INPP5K: variants seen among roughly 807,000 people sequenced by gnomAD.
INPP5K encodes inositol polyphosphate-5-phosphatase K.
In INPP5K, 35 loss-of-function variants were observed where a neutral mutation model predicts 53.5. The ratio of observed to expected loss-of-function variants is 0.65; its 90% confidence interval spans 0.50 to 0.87. INPP5K has a LOEUF of 0.87. Ranked by LOEUF, INPP5K falls within the 40% of genes least tolerant of loss-of-function variation. INPP5K has a pLI of 0.00. For missense variants in INPP5K, 550 were observed against 586.2 expected, an observed-to-expected ratio of 0.94 and a Z score of 0.64; for synonymous variants, 253 against 232.8, an observed-to-expected ratio of 1.09 and a Z score of -0.79.
intron 10 of INPP5K, 35 bp downstream of exon 10, chr17:1,496,284 G>C: frequency 6.5e-7 from 1 of 1,538,458 alleles, no homozygotes. Context: ...AGGCAGGCCT[G>C]CCTGCTGGTG....
chr17:1,513,774 C>A, intron 2 of INPP5K, 98 bp downstream of exon 2: 1 of 1,026,676 alleles, frequency 9.7e-7, no homozygotes, highest in Non-Finnish European at 1.5e-6. Flanking sequence ...AAGCTCCCAG[C>A]CTTCAGACTC....
chr17:1,501,175 G>C (rs932713205), intron 7 of INPP5K, among the ~76,000 whole-genome samples: 1 of 151,946 alleles, frequency 6.6e-6, no homozygotes, highest in African/African-American at 2.4e-5. Context: ...GGCCAGGCTG[G>C]TCTTGAACTC....
chr17:1,509,404 C>T, intron 4 of INPP5K, 51 bp from the exon 5 acceptor site: 1 of 1,541,744 alleles, frequency 6.5e-7, no homozygotes, highest in Non-Finnish European at 8.9e-7. Context: ...GTTGGACACA[C>T]CCCTCTTTCC....
Position 1,509,313 on chromosome 17 carries a change from C to CCATAAA in INPP5K, c.413_418dup (p.Tyr139_Gly140insValTyr). 4 of 1,614,088 alleles carry CCATAAA rather than the reference C, an allele frequency of 2.5e-6. No homozygotes were observed. The highest frequency in any genetic ancestry group is 3.4e-6 in the Non-Finnish European group (4 of 1,180,004). On this transcript the variant is annotated inframe_insertion, in exon 5 of 12. Transcript: ENST00000421807. ...GCAGTTGATGATGCTGACATAGTAG[C>CCATAAA]CATAAAGCTTCAGGCAGATGTTGAC... is the stretch of plus-strand genomic sequence containing the variant.
chr17:1,497,799 T>C (rs1357350883), intron 8 of INPP5K, 137 bp downstream of exon 8: 2 of 750,976 alleles, frequency 2.7e-6, no homozygotes, highest in African/African-American at 3.5e-5. Flanking sequence ...ATATCCGACC[T>C]GGCAGGAAAG....
intron 7 of INPP5K, among the ~76,000 whole-genome samples, chr17:1,501,374 T>C (rs1157335482): frequency 1.3e-5 from 2 of 152,238 alleles, no homozygotes; most frequent in African/African-American, 2.4e-5. Flanking sequence ...CTCAGACTTT[T>C]GAATCAGAGA....
intron 7 of INPP5K, among the ~76,000 whole-genome samples, chr17:1,500,586 T>C (rs150860054): frequency 0.09 from 13,681 of 151,990 alleles, 854 homozygotes; most frequent in African/African-American, 0.16. Context: ...AGGATGGTCT[T>C]GATCTCCTGA....
At chr17:1,502,727 T>C (rs987630483) in intron 7 of INPP5K, among the ~76,000 whole-genome samples, 58 of 152,252 alleles carry the variant, frequency 3.8e-4, no homozygotes, top group African/African-American at 1.1e-3. Context: ...TTCTCTCCAC[T>C]CCACCTTGTT....
intron 7 of INPP5K, among the ~76,000 whole-genome samples, chr17:1,505,774 T>C (rs1293174216): frequency 6.6e-6 from 1 of 152,174 alleles, no homozygotes; most frequent in Admixed American, 6.5e-5. Flanking sequence ...GCCCTGCCGG[T>C]ACCTCCCGCC....
rs963207143 is a variant in INPP5K, at chr17:1,496,248, G to A, written c.1185+71C>T. 4 of 1,495,470 alleles carry A rather than the reference G, an allele frequency of 2.7e-6. No individual in the cohort carries two copies. In the East Asian group the frequency reaches 7.2e-5, roughly 27 times the overall value. The allele number at this position is 1,495,470 out of a possible 1,614,324, so 92.6% of individuals were successfully genotyped here. A position where few individuals can be genotyped will look rare whatever the true frequency, so the allele number is the denominator to read the frequency against. On this transcript the variant is annotated intron_variant, in intron 10 of 11. Transcript: ENST00000421807. ...TGAGTGACAAGTTATTCAGCACTCT[G>A]TTCCTTCCACAAGACAGGAGTGCTG...
At position 1,513,989 on chromosome 17, in the gene INPP5K, G is replaced by A; in HGVS notation, c.45-10C>T. On this transcript the variant is annotated splice_polypyrimidine_tract_variant and intron_variant, in intron 1 of 11. Coordinates refer to ENST00000421807, the MANE Select transcript of INPP5K (RefSeq NM_016532.4). Reference sequence around the variant, plus strand: ...AGTCACGACGTGTATGCTGCGGAAGGGATGCAGAGGGAAGTCATGGAGGAA... The same window carrying A: ...AGTCACGACGTGTATGCTGCGGAAGAGATGCAGAGGGAAGTCATGGAGGAA... The A allele has an allele frequency of 6.3e-7, 1 of 1,582,430 alleles. No homozygotes were observed. Among genetic ancestry groups the A allele is most frequent in the Non-Finnish European group, 8.7e-7 (1 of 1,154,526 alleles).
intron 6 of INPP5K, 77 bp downstream of exon 6, chr17:1,508,038 A>C: frequency 9.6e-7 from 1 of 1,044,920 alleles, no homozygotes. Context: ...GAGGGCATCT[A>C]GCAACACTCT....
intron 3 of INPP5K, among the ~76,000 whole-genome samples, chr17:1,511,986 C>G (rs570769013): frequency 6.6e-6 from 1 of 152,142 alleles, no homozygotes; most frequent in African/African-American, 2.4e-5. Flanking sequence ...GTAGGAGGAG[C>G]GAAGAAAGGA....
intron 7 of INPP5K, among the ~76,000 whole-genome samples, chr17:1,501,416 G>T (rs1018163399): frequency 5.9e-5 from 9 of 152,334 alleles, no homozygotes; most frequent in South Asian, 2.1e-4. Flanking sequence ...CCTGTTAATT[G>T]AGAGCTGTAT....
intron 9 of INPP5K, 81 bp from the exon 10 acceptor site, chr17:1,496,483 G>T: frequency 7.5e-7 from 1 of 1,340,888 alleles, no homozygotes; most frequent in South Asian, 1.2e-5. Context: ...TGGTCTCCCT[G>T]CTGGGCCTGG....
In INPP5K at chr17:1,496,114, G is replaced by C. The variant is rs372437309; in HGVS notation, c.1236C>G (p.Leu412=). ...NIPTTEDEFL[L]CYYSNSLRSV... is the part of the protein sequence containing the mutation. ...AACGCAGACTGTTGCTGTAGTAACA[G>C]AGGAGAAACTCATCTTCAGTGGTAG... The change falls in exon 11 of 12, where the codon CTC becomes CTG. Residue 412 remains leucine (L), a synonymous_variant. Coordinates refer to ENST00000421807, the MANE Select transcript of INPP5K (RefSeq NM_016532.4). 27 of 1,613,530 alleles carry C rather than the reference G, an allele frequency of 1.7e-5. No individual in the cohort carries two copies. The highest frequency in any genetic ancestry group is 1.6e-5 in the Non-Finnish European group (19 of 1,179,578).
intron 7 of INPP5K, among the ~76,000 whole-genome samples, chr17:1,505,632 T>C (rs1048301250): frequency 1.3e-5 from 2 of 152,190 alleles, no homozygotes; most frequent in African/African-American, 4.8e-5. Flanking sequence ...CGGCTCACTC[T>C]TTCCCCCTTT....
At chr17:1,500,983 C>T (rs972553990) in intron 7 of INPP5K, among the ~76,000 whole-genome samples, 8 of 138,762 alleles carry the variant, frequency 5.8e-5, no homozygotes, top group Admixed American at 3.0e-4. Flanking sequence ...TTTTTTAAGA[C>T]GGAGTCTCGC....
chr17:1,496,543 A>T, intron 9 of INPP5K, 123 bp downstream of exon 9: 1 of 1,416,268 alleles, frequency 7.1e-7, no homozygotes, highest in Non-Finnish European at 9.9e-7. Flanking sequence ...GCCTTTAGCT[A>T]CAGAAGAACC....
Sources: gnomAD v4.1 joint callset for allele counts (sites outside exome capture counted in the v4.1 genomes callset) on GRCh38, gnomAD v4.1.1 for gene constraint, MANE v1.5 for transcripts, NCBI Gene and HGNC (gene_info 2026-07-23, HGNC 2026-07-21) for gene names.